The following CYFIP2 variants were observed in gnomAD, a reference collection of about 807,000 sequenced individuals.
The protein encoded by CYFIP2 is cytoplasmic FMR1 interacting protein 2, also known as cytoplasmic FMR1-interacting protein 2.
CYFIP2 carries 29 observed loss-of-function variants against 158.7 expected under a neutral mutation model. The ratio of observed to expected loss-of-function variants is 0.18; its 90% confidence interval spans 0.14 to 0.25. The LOEUF (loss-of-function observed/expected upper bound fraction) is 0.25, where lower values mean the gene tolerates loss of function less well. CYFIP2 is among the 10% of genes least tolerant of loss of function. CYFIP2 has a pLI of 1.00. For synonymous variants in CYFIP2, 585 were observed against 617.6 expected (o/e 0.95, Z 0.78); for missense variants, 852 against 1,639.5 (o/e 0.52, Z 8.29).
chr5:157,384,939 CAAA>C (rs34749971), intron 28 of CYFIP2: 24 of 63,882 alleles, frequency 3.8e-4, no homozygotes, highest in South Asian at 6.4e-4. Context: ...GACTCCATCT[CAAA>C]AAAAAAAAAA....
rs1760331540 is a variant in CYFIP2 at position 157,318,537 on chromosome 5, C to T, written c.1357-1225C>T. ...GTTGTACTGTTGGTGCCAATGAAAA[C>T]CATCACCTCCTGAGTTGTTTTCATA... On this transcript the variant is annotated intron_variant, in intron 13 of 30. Coordinates refer to ENST00000620254, the MANE Select transcript of CYFIP2 (RefSeq NM_001037333.3). Among the ~76,000 whole-genome samples the T allele has an allele frequency of 2.0e-5, 3 of 152,338 alleles. No individual in the cohort carries two copies. The South Asian group carries it at 6.2e-4, about 32-fold the overall frequency.
intron 1 of CYFIP2, among the ~76,000 whole-genome samples, chr5:157,272,742 A>T (rs148947330): frequency 9.2e-4 from 140 of 152,330 alleles, no homozygotes; most frequent in African/African-American, 3.3e-3. Flanking sequence ...TAAAGTGTCT[A>T]CATTATTAAT....
At chr5:157,353,110 C>G (rs948719646) in intron 23 of CYFIP2, among the ~76,000 whole-genome samples, 15 of 152,194 alleles carry the variant, frequency 9.9e-5, no homozygotes, top group African/African-American at 3.4e-4. Flanking sequence ...GAATACATTG[C>G]TGTTGTTCGA....
intron 17 of CYFIP2, 188 bp from the exon 18 acceptor site, chr5:157,325,983 G>A (rs1233939722): frequency 1.5e-5 from 9 of 582,290 alleles, no homozygotes; most frequent in Non-Finnish European, 2.4e-5. Context: ...TTGCACCCTG[G>A]ACTTTTTCTT....
At chr5:157,319,370 A>G (rs13155087) in intron 13 of CYFIP2, among the ~76,000 whole-genome samples, 48,757 of 152,108 alleles carry the variant, frequency 0.32, 8,636 homozygotes, top group African/African-American at 0.48. Flanking sequence ...GTTGTCTGTG[A>G]GTGCCTGGTC....
Position 157,347,367 on chromosome 5 carries a change from C to T in CYFIP2, c.2673+6210C>T, listed in dbSNP as rs1168791857. 7.2e-5 allele frequency among the ~76,000 whole-genome samples: 11 copies of T among 151,956 alleles called. No homozygotes were observed. The South Asian group carries it at 8.3e-4, about 12-fold the overall frequency. On this transcript the variant is annotated intron_variant, in intron 23 of 30. Coordinates refer to ENST00000620254, the MANE Select transcript of CYFIP2 (RefSeq NM_001037333.3). The stretch of plus-strand genomic sequence containing the variant: ...GACCCTACCCTTGGCCAAAGGTCTC[C>T]GGGAGGCTTGGAGTCTTGGGAACTC...
intron 5 of CYFIP2, among the ~76,000 whole-genome samples, chr5:157,297,222 G>A (rs1758324877): frequency 6.6e-6 from 1 of 152,206 alleles, no homozygotes; most frequent in African/African-American, 2.4e-5. Context: ...AAGCCTTGAG[G>A]CTGAGGCCGG....
intron 26 of CYFIP2, among the ~76,000 whole-genome samples, chr5:157,373,542 G>C (rs965926828): frequency 2.0e-5 from 3 of 152,126 alleles, no homozygotes; most frequent in African/African-American, 4.8e-5. Context: ...CTGAGAGCTG[G>C]TACTTGAGTG....
intron 26 of CYFIP2, chr5:157,379,919 C>T (rs143685059): frequency 2.0e-5 from 3 of 152,060 alleles, no homozygotes; most frequent in African/African-American, 4.8e-5. Flanking sequence ...TCAAATCAGT[C>T]TCCTTGAGCA....
chr5:157,362,022 G>A (rs1168462894), intron 26 of CYFIP2, among the ~76,000 whole-genome samples: 2 of 152,220 alleles, frequency 1.3e-5, no homozygotes, highest in East Asian at 1.9e-4. Flanking sequence ...AGAAGTTTCA[G>A]GCAAAGTTAT....
In CYFIP2 at chr5:157,297,842, C is replaced by T. The variant is rs897381768; in HGVS notation, c.387+1068C>T. 4.6e-5 allele frequency among the ~76,000 whole-genome samples: 7 copies of T among 152,178 alleles called. No individual in the cohort carries two copies. In the East Asian group the frequency reaches 7.7e-4, roughly 17 times the overall value. On this transcript the variant is annotated intron_variant, in intron 5 of 30. Transcript: ENST00000620254. ...TGAGGTAGGTTGAAAAAAAATAAAA[C>T]GAGACAACATGAAAAATTCAGTTCC... is the stretch of plus-strand genomic sequence containing the variant.
rs913439851 is a variant in CYFIP2, at chr5:157,311,886, G to T, written c.1110+105G>T. The T allele has an allele frequency of 1.1e-5, 12 of 1,091,872 alleles. No individual in the cohort carries two copies. The highest frequency in any genetic ancestry group is 1.6e-5 in the Non-Finnish European group (12 of 752,438). The allele number at this position is 1,091,872 out of a possible 1,614,324, so 67.6% of individuals were successfully genotyped here. On this transcript the variant is annotated intron_variant, in intron 11 of 30. Coordinates refer to ENST00000620254, the MANE Select transcript of CYFIP2 (RefSeq NM_001037333.3). This position sits in a 1 kb window ranked among gnomAD's most constrained non-coding sequence, Gnocchi z 4.7. Reference sequence around the variant, plus strand: ...ACCCACGGAACACTGGAGAGTAGAAGGGAGGGAGGCAGGAGGGTAAAGTGG... The same window carrying T: ...ACCCACGGAACACTGGAGAGTAGAATGGAGGGAGGCAGGAGGGTAAAGTGG...
chr5:157,354,792 A>G (rs971497235), intron 23 of CYFIP2, among the ~76,000 whole-genome samples: 1 of 152,126 alleles, frequency 6.6e-6, no homozygotes, highest in African/African-American at 2.4e-5. Flanking sequence ...CTTACGTGGT[A>G]AAACAGTTCC....
At chr5:157,318,512 G>T (rs895307) in intron 13 of CYFIP2, among the ~76,000 whole-genome samples, 31,299 of 152,112 alleles carry the variant, frequency 0.21, 3,452 homozygotes, top group Middle Eastern at 0.26. Context: ...CAACAAAATT[G>T]TTGTACTGTT....
chr5:157,308,461 A>C (rs1331610760), intron 9 of CYFIP2, among the ~76,000 whole-genome samples: 7 of 152,120 alleles, frequency 4.6e-5, no homozygotes, highest in African/African-American at 1.7e-4. Context: ...TTGCAGTTAA[A>C]CTAAGCCTCT....
chr5:157,372,926 G>C (rs1489644501), intron 26 of CYFIP2, among the ~76,000 whole-genome samples: 8 of 152,084 alleles, frequency 5.3e-5, no homozygotes, highest in Non-Finnish European at 1.0e-4. Context: ...CACACACAAA[G>C]AATGCCTTCT....
rs1448547945 is a variant in CYFIP2, at chr5:157,314,467, G to A, written c.1230+4G>A. 2.5e-6 allele frequency: 4 copies of A among 1,613,138 alleles called. No homozygotes were observed. The highest frequency in any genetic ancestry group is 3.4e-6 in the Non-Finnish European group (4 of 1,179,422). On this transcript the variant is annotated splice_donor_region_variant and intron_variant, in intron 12 of 30. Coordinates refer to ENST00000620254, the MANE Select transcript of CYFIP2 (RefSeq NM_001037333.3). ...GAGCGCCCACGTCATGGAGGTGGTAGGTGTCTCTGGGTAGAGGGCCTCACA... is the reference window on the plus strand; with the variant it reads ...GAGCGCCCACGTCATGGAGGTGGTAAGTGTCTCTGGGTAGAGGGCCTCACA...
Position 157,309,778 on chromosome 5 carries a change from G to A in CYFIP2, c.936G>A (p.Gln312=). The A allele has an allele frequency of 6.2e-7, 1 of 1,608,292 alleles. No individual in the cohort carries two copies. Among genetic ancestry groups the A allele is most frequent in the South Asian group, 1.1e-5 (1 of 89,518 alleles). The change falls in exon 10 of 31, where the codon CAG becomes CAA. Residue 312 remains glutamine, a synonymous_variant. Transcript: ENST00000620254. ...TGGTGCCCCTTTTCGGCGACATGCAGATAGAGCTGGCCAGATACATTAAGA... is the reference window on the plus strand; with the variant it reads ...TGGTGCCCCTTTTCGGCGACATGCAAATAGAGCTGGCCAGATACATTAAGA... ...LQVVPLFGDM[Q]IELARYIKTS...
rs760888312 is a variant in CYFIP2, at chr5:157,309,847, C to T, written c.992+13C>T. On this transcript the variant is annotated intron_variant, in intron 10 of 30. Transcript: ENST00000620254. ...AGAACAAGTCCAAGTGAGTGCCTGC[C>T]GTAATGTCTCTCGGCTCCCGCAAGG... The T allele has an allele frequency of 5.1e-6, 8 of 1,577,776 alleles. No homozygotes were observed. The Admixed American group carries it at 5.5e-5, about 11-fold the overall frequency.
Sources: gnomAD v4.1 joint callset for allele counts (sites outside exome capture counted in the v4.1 genomes callset) on GRCh38, gnomAD v4.1.1 for gene constraint, Gnocchi (gnomAD v3.1) non-coding constraint, MANE v1.5 for transcripts, NCBI Gene and HGNC (gene_info 2026-07-23, HGNC 2026-07-21) for gene names.